The following SLAIN2 variants were observed in gnomAD, a reference collection of about 807,000 sequenced individuals.
SLAIN2 encodes the protein SLAIN family member 2.
In SLAIN2, 31 loss-of-function variants were observed where a neutral mutation model predicts 56.6. That is an observed-to-expected ratio of 0.55 (90% CI 0.41 to 0.74). The LOEUF (loss-of-function observed/expected upper bound fraction) is 0.74, where lower values mean the gene tolerates loss of function less well. SLAIN2 is among the 30% of genes least tolerant of loss of function. The probability of loss-of-function intolerance (pLI) is 0.00; values close to 1 mark genes in which losing one functional copy is unlikely to be tolerated. For missense variants in SLAIN2, 777 were observed against 754.2 expected (o/e 1.03, Z -0.35); for synonymous variants, 317 against 284.9 (o/e 1.11, Z -1.13).
At chr4:48,372,134 A>G (rs539813767) in intron 2 of SLAIN2, among the ~76,000 whole-genome samples, 1 of 152,070 alleles carries the variant, frequency 6.6e-6, no homozygotes, top group East Asian at 1.9e-4. Flanking sequence ...ATAATTTACA[A>G]TTTAATTAGG....
intron 6 of SLAIN2, among the ~76,000 whole-genome samples, chr4:48,395,646 G>T (rs1007525243): frequency 1.3e-5 from 2 of 152,040 alleles, no homozygotes; most frequent in African/African-American, 4.8e-5. Context: ...TTTGTATTTT[G>T]AATATCAGAA....
intron 5 of SLAIN2, 58 bp from the exon 6 acceptor site, chr4:48,383,586 ATAT>A: frequency 7.3e-7 from 1 of 1,377,920 alleles, no homozygotes. Context: ...ATGCTAGTTA[ATAT>A]TTTAATTTTC....
intron 6 of SLAIN2, among the ~76,000 whole-genome samples, chr4:48,388,351 C>CTAA (rs1274109137): frequency 6.6e-6 from 1 of 152,134 alleles, no homozygotes; most frequent in African/African-American, 2.4e-5. Context: ...TTTCAAAAGG[C>CTAA]TAATGCCTTG....
intron 6 of SLAIN2, among the ~76,000 whole-genome samples, chr4:48,399,386 G>C (rs1031896283): frequency 2.0e-5 from 3 of 152,190 alleles, no homozygotes; most frequent in Admixed American, 6.5e-5. Context: ...TTGCTTATGA[G>C]CTTAAGAAGC....
intron 6 of SLAIN2, among the ~76,000 whole-genome samples, chr4:48,414,411 A>G (rs139542021): frequency 4.5e-4 from 68 of 152,262 alleles, no homozygotes; most frequent in African/African-American, 1.6e-3. Flanking sequence ...ATGCCTTACA[A>G]TTTGTTTAAT....
intron 3 of SLAIN2, among the ~76,000 whole-genome samples, chr4:48,378,889 A>G (rs1322228647): frequency 6.6e-6 from 1 of 152,156 alleles, no homozygotes; most frequent in South Asian, 2.1e-4. Context: ...TTAATAGTAT[A>G]AAGATTAATT....
At chr4:48,359,798 T>C (rs1715267755) in intron 1 of SLAIN2, among the ~76,000 whole-genome samples, 1 of 152,252 alleles carries the variant, frequency 6.6e-6, no homozygotes, top group African/African-American at 2.4e-5. Flanking sequence ...GTAAGCTTTA[T>C]ATAACTTTAT....
At chr4:48,420,044 A>G (rs1269074886) in intron 6 of SLAIN2, 81 bp from the exon 7 acceptor site, 8 of 1,370,268 alleles carry the variant, frequency 5.8e-6, no homozygotes, top group African/African-American at 1.4e-5. Context: ...CTAGTGCCCA[A>G]TCATCAGTTG....
rs886685128 is a variant in SLAIN2 at position 48,341,570 on chromosome 4, A to C, written c.-170A>C. On this transcript the variant is annotated 5_prime_UTR_variant, in exon 1 of 8. Transcript: ENST00000264313. ...CAGATGAGGCAGTTCGGCTGGGGCC[A>C]GCGGCGCTTTGGAACCCGAGGTGGG... 2.8e-5 allele frequency: 30 copies of C among 1,057,218 alleles called. No homozygotes were observed. Among genetic ancestry groups the C allele is most frequent in the Non-Finnish European group, 3.6e-5 (28 of 784,614 alleles). 65.5% of individuals were successfully genotyped at this position (1,057,218 alleles called of 1,614,324 possible).
chr4:48,405,491 G>T (rs1248181261), intron 6 of SLAIN2, among the ~76,000 whole-genome samples: 2 of 151,722 alleles, frequency 1.3e-5, no homozygotes, highest in African/African-American at 4.9e-5. Context: ...GTTCTTACAG[G>T]CTGAACTTTG....
At chr4:48,407,472 T>C (rs1206642534) in intron 6 of SLAIN2, among the ~76,000 whole-genome samples, 3 of 152,214 alleles carry the variant, frequency 2.0e-5, no homozygotes, top group Admixed American at 1.3e-4. Context: ...TCACTTCTTG[T>C]AGAAGAGTTA....
At chr4:48,408,514 TTC>T (rs1439218359) in intron 6 of SLAIN2, among the ~76,000 whole-genome samples, 1 of 130,344 alleles carries the variant, frequency 7.7e-6, no homozygotes, top group Admixed American at 8.2e-5. Flanking sequence ...ATGTGTGTGT[TTC>T]TGTCCGTTTT....
intron 1 of SLAIN2, among the ~76,000 whole-genome samples, chr4:48,362,221 C>T (rs1043489045): frequency 2.0e-5 from 3 of 151,236 alleles, no homozygotes; most frequent in African/African-American, 7.3e-5. Context: ...TGTTCCTAGT[C>T]TTAGGAGAAA....
intron 1 of SLAIN2, among the ~76,000 whole-genome samples, chr4:48,355,841 C>T (rs1357377172): frequency 6.6e-6 from 1 of 151,730 alleles, no homozygotes; most frequent in Non-Finnish European, 1.5e-5. Context: ...TATATTTTCA[C>T]AAAGTTGGTA....
intron 2 of SLAIN2, among the ~76,000 whole-genome samples, chr4:48,377,365 GAC>G (rs1412538256): frequency 2.2e-5 from 3 of 136,862 alleles, no homozygotes; most frequent in African/African-American, 8.3e-5. Flanking sequence ...TTTAAGTAGA[GAC>G]AGGGTTTCAC....
chr4:48,406,837 TCTTTAA>T (rs1282886038), intron 6 of SLAIN2, among the ~76,000 whole-genome samples: 2 of 152,314 alleles, frequency 1.3e-5, no homozygotes, highest in Non-Finnish European at 2.9e-5. Flanking sequence ...GCTCACTTTT[TCTTTAA>T]CTTAAATGTA....
At chr4:48,355,174 C>T (rs1715126107) in intron 1 of SLAIN2, among the ~76,000 whole-genome samples, 1 of 152,164 alleles carries the variant, frequency 6.6e-6, no homozygotes, top group African/African-American at 2.4e-5. Context: ...GCCACTACAC[C>T]CAGCCAAAAA....
chr4:48,414,707 C>T (rs1475492314), intron 6 of SLAIN2, among the ~76,000 whole-genome samples: 1 of 109,902 alleles, frequency 9.1e-6, no homozygotes, highest in Admixed American at 9.6e-5. Context: ...ATCCCTCCCC[C>T]CTCCCCCGAC....
chr4:48,390,753 T>C (rs1340183784), intron 6 of SLAIN2, among the ~76,000 whole-genome samples: 1 of 152,244 alleles, frequency 6.6e-6, no homozygotes, highest in African/African-American at 2.4e-5. Context: ...ATAGTATAGC[T>C]TTCGTTTTTG....
Sources: gnomAD v4.1 joint callset for allele counts (sites outside exome capture counted in the v4.1 genomes callset) on GRCh38, gnomAD v4.1.1 for gene constraint, MANE v1.5 for transcripts, NCBI Gene and HGNC (gene_info 2026-07-23, HGNC 2026-07-21) for gene names.